Variants in GFRAL observed in about 807,000 individuals in gnomAD.
GFRAL encodes GDNF family receptor alpha-like.
A neutral mutation model predicts 45.4 loss-of-function variants in GFRAL; 36 were observed. That is an observed-to-expected ratio of 0.79 (90% CI 0.61 to 1.05). GFRAL has a LOEUF of 1.05. Ranked by LOEUF, GFRAL falls within the 50% of genes least tolerant of loss-of-function variation. The pLI is 0.00. For missense variants in GFRAL, 507 were observed against 467.5 expected (o/e 1.08, Z -0.78); for synonymous variants, 166 against 154.1 (o/e 1.08, Z -0.57).
chr6:55,337,383 A>G (rs1201695064), intron 3 of GFRAL, among the ~76,000 whole-genome samples: 1 of 137,558 alleles, frequency 7.3e-6, no homozygotes, highest in Non-Finnish European at 1.5e-5. Flanking sequence ...TTTTCTTATA[A>G]TGTCTTTGGT....
chr6:55,328,347 A>T (rs967121983), intron 1 of GFRAL, among the ~76,000 whole-genome samples: 1 of 151,962 alleles, frequency 6.6e-6, no homozygotes, highest in African/African-American at 2.4e-5. Flanking sequence ...TTGTAATTTT[A>T]AAAATATGGC....
In GFRAL at chr6:55,399,272, A is replaced by G. The variant is rs758708163; in HGVS notation, c.1045A>G (p.Asn349Asp). The change falls in exon 7 of 9, where the codon AAT (asparagine) becomes GAT (aspartate). Residue 349 changes from asparagine to aspartate, a missense_variant. Transcript: ENST00000340465. ...TTTAACTGGATTTCATTCCCCCTTC[A>G]ATGGTCAGTTAAAAATCAATCCTCT... ...ITLTGFHSPF[N>D]GEVIYAAMCM... The G allele has an allele frequency of 1.2e-5, 19 of 1,583,830 alleles. No individual in the cohort carries two copies. Among genetic ancestry groups the G allele is most frequent in the Non-Finnish European group, 1.6e-5 (19 of 1,155,026 alleles).
intron 3 of GFRAL, among the ~76,000 whole-genome samples, chr6:55,340,329 C>G (rs1767945939): frequency 6.6e-6 from 1 of 152,158 alleles, no homozygotes; most frequent in African/African-American, 2.4e-5. Flanking sequence ...TCAAGAAAAT[C>G]AGTTTTGTTA....
At chr6:55,330,630 A>C (rs1026113105) in intron 1 of GFRAL, among the ~76,000 whole-genome samples, 1 of 152,202 alleles carries the variant, frequency 6.6e-6, no homozygotes, top group Non-Finnish European at 1.5e-5. Flanking sequence ...GGTAGAAGAC[A>C]GCATGGATCA....
chr6:55,358,799 CTA>C (rs1768230372), intron 5 of GFRAL, 87 bp from the exon 6 acceptor site: 2 of 1,263,646 alleles, frequency 1.6e-6, no homozygotes, highest in Non-Finnish European at 2.2e-6. Context: ...GCATTGTGTT[CTA>C]TGTCTTTCAT....
chr6:55,378,101 A>G (rs917085093), intron 6 of GFRAL, among the ~76,000 whole-genome samples: 2 of 152,058 alleles, frequency 1.3e-5, no homozygotes, highest in Non-Finnish European at 2.9e-5. Flanking sequence ...AAACTCGCAT[A>G]CAGTGTATGC....
At chr6:55,339,699 A>G (rs939406298) in intron 3 of GFRAL, among the ~76,000 whole-genome samples, 1 of 152,218 alleles carries the variant, frequency 6.6e-6, no homozygotes, top group South Asian at 2.1e-4. Context: ...TTAATTTGCT[A>G]CTTAGTAGAT....
chr6:55,351,129 G>A, intron 4 of GFRAL, 124 bp from the exon 5 acceptor site: 1 of 698,420 alleles, frequency 1.4e-6, no homozygotes. Context: ...TGTAATGTTT[G>A]CCAAAAATAG....
intron 6 of GFRAL, among the ~76,000 whole-genome samples, chr6:55,393,273 T>G (rs969776032): frequency 1.3e-5 from 2 of 152,158 alleles, no homozygotes; most frequent in Non-Finnish European, 2.9e-5. Flanking sequence ...AAACTGAAAA[T>G]TACTTGCAAC....
chr6:55,368,380 G>A (rs1768396820), intron 6 of GFRAL, among the ~76,000 whole-genome samples: 1 of 150,906 alleles, frequency 6.6e-6, no homozygotes, highest in Non-Finnish European at 1.5e-5. Flanking sequence ...CTTTGCCTTT[G>A]GTTTGAATGT....
At position 55,399,184 on chromosome 6, in the gene GFRAL, T is replaced by A; in HGVS notation, c.957T>A (p.Tyr319Ter). 6.5e-7 allele frequency: 1 copy of A among 1,548,420 alleles called. No individual in the cohort carries two copies. Among genetic ancestry groups the A allele is most frequent in the Non-Finnish European group, 8.8e-7 (1 of 1,134,636 alleles). The change falls in exon 7 of 9, where the codon TAT (tyrosine) becomes TAA (stop). Residue 319 changes from tyrosine to a stop codon, truncating the protein, a stop_gained. Transcript: ENST00000340465. LOFTEE classifies it high-confidence loss of function. ...ATTTTTATGATTTTCTTTCAGATTA[T>A]CCAACCCTGTCTAATGTCAAAGGCA... ...HMLHRKSCFNYPTLSNVKGMA... is the reference protein window; with the variant it reads ...HMLHRKSCFN
At chr6:55,340,148 T>A (rs912776815) in intron 3 of GFRAL, among the ~76,000 whole-genome samples, 20 of 152,292 alleles carry the variant, frequency 1.3e-4, no homozygotes, top group African/African-American at 4.8e-4. Context: ...AAGAAATTGA[T>A]AATTTAAATA....
intron 6 of GFRAL, among the ~76,000 whole-genome samples, chr6:55,394,220 A>G (rs545618945): frequency 6.6e-6 from 1 of 152,292 alleles, no homozygotes; most frequent in South Asian, 2.1e-4. Flanking sequence ...TAAATATGAG[A>G]TGGTTATAAG....
intron 6 of GFRAL, among the ~76,000 whole-genome samples, chr6:55,366,290 C>T (rs1355990654): frequency 6.6e-6 from 1 of 151,786 alleles, no homozygotes; most frequent in African/African-American, 2.4e-5. Context: ...AGTGACATCC[C>T]CTTTATCATT....
rs530092188 is a variant in GFRAL at position 55,359,177 on chromosome 6, T to TCTAG, written c.952+42_952+43insGCTA. The TCTAG allele has an allele frequency of 2.6e-3, 4,027 of 1,544,448 alleles. 89 individuals carry two copies. The African/African-American group carries it at 0.046, about 18-fold the overall frequency. On this transcript the variant is annotated intron_variant, in intron 6 of 8. Coordinates refer to ENST00000340465, the MANE Select transcript of GFRAL (RefSeq NM_207410.2). The stretch of plus-strand genomic sequence containing the variant: ...ATAAAATTATCTGTCTATCTATCTA[T>TCTAG]CTATCTATCATCTATCTATCTATCT...
chr6:55,338,478 T>C (rs1767919476), intron 3 of GFRAL, among the ~76,000 whole-genome samples: 2 of 152,186 alleles, frequency 1.3e-5, no homozygotes, highest in African/African-American at 4.8e-5. Context: ...TAATATAACA[T>C]ATTTTGGATG....
chr6:55,354,535 T>C (rs1768162764), intron 5 of GFRAL, among the ~76,000 whole-genome samples: 1 of 152,052 alleles, frequency 6.6e-6, no homozygotes, highest in African/African-American at 2.4e-5. Context: ...TATGTGCAAA[T>C]AGTCCCTTAA....
chr6:55,393,923 A>T (rs894489141), intron 6 of GFRAL, among the ~76,000 whole-genome samples: 2 of 152,342 alleles, frequency 1.3e-5, no homozygotes, highest in African/African-American at 2.4e-5. Flanking sequence ...ACAGGAAAAA[A>T]GTTGAGATTA....
At chr6:55,350,517 CAAAACAAAACA>C in intron 4 of GFRAL, among the ~76,000 whole-genome samples, 1 of 151,826 alleles carries the variant, frequency 6.6e-6, no homozygotes, top group East Asian at 1.9e-4. Flanking sequence ...TCTACAAAAA[CAAAACAAAACA>C]AAAACAAAAA....
Sources: gnomAD v4.1 joint callset for allele counts (sites outside exome capture counted in the v4.1 genomes callset) on GRCh38, gnomAD v4.1.1 for gene constraint, MANE v1.5 for transcripts, NCBI Gene and HGNC (gene_info 2026-07-23, HGNC 2026-07-21) for gene names.